The following IMMP2L variants were observed in gnomAD, a reference collection of about 807,000 sequenced individuals.
The protein encoded by IMMP2L is mitochondrial inner membrane protease subunit 2.
Under a neutral mutation model 19.3 loss-of-function variants are expected in IMMP2L, and 18 were observed. The ratio of observed to expected loss-of-function variants is 0.93; its 90% CI spans 0.64 to 1.38. The LOEUF (loss-of-function observed/expected upper bound fraction) is 1.38. Among genes scored for constraint, IMMP2L ranks in the 40% most tolerant of loss-of-function variants. IMMP2L has a pLI of 0.00. For synonymous variants in IMMP2L, 76 were observed against 73.0 expected (o/e 1.04, Z -0.21); for missense variants, 233 against 218.2 (o/e 1.07, Z -0.43).
At chr7:111,242,906 G>C (rs1815286573) in intron 3 of IMMP2L, among the ~76,000 whole-genome samples, 1 of 151,896 alleles carries the variant, frequency 6.6e-6, no homozygotes, top group Non-Finnish European at 1.5e-5. Context: ...AACAATTATT[G>C]TCCAATTGTT....
intron 3 of IMMP2L, among the ~76,000 whole-genome samples, chr7:111,407,192 T>TA (rs996401045): frequency 2.6e-5 from 4 of 152,030 alleles, no homozygotes; most frequent in African/African-American, 9.7e-5. Context: ...AGAACCCTCA[T>TA]ACACTGCTCA....
At chr7:111,328,601 G>T (rs558251389) in intron 3 of IMMP2L, among the ~76,000 whole-genome samples, 1 of 151,830 alleles carries the variant, frequency 6.6e-6, no homozygotes, top group Non-Finnish European at 1.5e-5. Context: ...AAAACTAGAG[G>T]TGTGTTACGT....
intron 3 of IMMP2L, among the ~76,000 whole-genome samples, chr7:111,310,434 T>C (rs569557670): frequency 3.3e-5 from 5 of 152,140 alleles, no homozygotes; most frequent in South Asian, 2.1e-4. Flanking sequence ...AAATTAACTT[T>C]TATGTTAAAG....
chr7:111,094,564 T>A (rs1354285791), intron 3 of IMMP2L, among the ~76,000 whole-genome samples: 1 of 152,134 alleles, frequency 6.6e-6, no homozygotes, highest in Non-Finnish European at 1.5e-5. Flanking sequence ...AGGTAAACTC[T>A]AGGCAAAACA....
intron 3 of IMMP2L, among the ~76,000 whole-genome samples, chr7:111,194,024 T>A (rs747676483): frequency 6.6e-6 from 1 of 152,170 alleles, no homozygotes; most frequent in African/African-American, 2.4e-5. Flanking sequence ...GCCAAACTAC[T>A]TATAAAGTCA....
chr7:111,162,105 G>T (rs924628777), intron 3 of IMMP2L, among the ~76,000 whole-genome samples: 8 of 151,958 alleles, frequency 5.3e-5, no homozygotes, highest in African/African-American at 1.7e-4. Context: ...GAAAATCAAT[G>T]ATTGCAAACC....
intron 4 of IMMP2L, among the ~76,000 whole-genome samples, chr7:110,935,116 T>C (rs1163383946): frequency 1.3e-5 from 2 of 152,164 alleles, no homozygotes; most frequent in Admixed American, 6.6e-5. Context: ...ATTTGTTATG[T>C]TTTTTCAGTG....
At chr7:110,992,040 T>C (rs1822527228) in intron 3 of IMMP2L, among the ~76,000 whole-genome samples, 1 of 152,164 alleles carries the variant, frequency 6.6e-6, no homozygotes, top group South Asian at 2.1e-4. Context: ...AGTTGTATTT[T>C]TATTTAAACC....
intron 3 of IMMP2L, among the ~76,000 whole-genome samples, chr7:111,030,910 ATATATATATATATAT>A (rs1563176399): frequency 2.8e-5 from 3 of 105,736 alleles, no homozygotes; most frequent in African/African-American, 1.1e-4. Flanking sequence ...ATATATATAT[ATATATATATATATAT>A]AAAATATATA....
At chr7:111,527,296 A>G (rs1846964131) in intron 1 of IMMP2L, among the ~76,000 whole-genome samples, 1 of 151,822 alleles carries the variant, frequency 6.6e-6, no homozygotes, top group Non-Finnish European at 1.5e-5. Context: ...ATACACCTGT[A>G]GTCCTATCTA....
chr7:110,827,706 GA>G (rs1281212331), intron 5 of IMMP2L, among the ~76,000 whole-genome samples: 1 of 152,134 alleles, frequency 6.6e-6, no homozygotes, highest in Non-Finnish European at 1.5e-5. Context: ...ATTTTAATTG[GA>G]CTTGAAGGAT....
intron 3 of IMMP2L, among the ~76,000 whole-genome samples, chr7:111,320,960 C>T (rs1020122102): frequency 6.6e-6 from 1 of 152,004 alleles, no homozygotes; most frequent in African/African-American, 2.4e-5. Context: ...GAGACACTCA[C>T]TAAATGTTTG....
intron 3 of IMMP2L, among the ~76,000 whole-genome samples, chr7:111,270,894 A>G (rs907747576): frequency 6.6e-6 from 1 of 152,050 alleles, no homozygotes; most frequent in African/African-American, 2.4e-5. Context: ...TACATGAACA[A>G]TTTTTCAAAA....
intron 5 of IMMP2L, among the ~76,000 whole-genome samples, chr7:110,695,402 G>C (rs572544542): frequency 6.6e-6 from 1 of 152,002 alleles, no homozygotes; most frequent in East Asian, 1.9e-4. Flanking sequence ...ATGTTTCCCA[G>C]GCTAGTCTCG....
chr7:111,051,120 A>G (rs947320981), intron 3 of IMMP2L, among the ~76,000 whole-genome samples: 7 of 152,228 alleles, frequency 4.6e-5, no homozygotes, highest in African/African-American at 1.7e-4. Context: ...CCTGGTCAAC[A>G]GAGTAAGACT....
chr7:111,101,544 T>C (rs1797977058), intron 3 of IMMP2L, among the ~76,000 whole-genome samples: 1 of 147,164 alleles, frequency 6.8e-6, no homozygotes, highest in Non-Finnish European at 1.5e-5. Flanking sequence ...GTAGATTTAG[T>C]AAAAAAAAAA....
chr7:111,201,205 A>G (rs1810065275), intron 3 of IMMP2L, among the ~76,000 whole-genome samples: 1 of 152,070 alleles, frequency 6.6e-6, no homozygotes, highest in Non-Finnish European at 1.5e-5. Flanking sequence ...GGAAATGCAA[A>G]GCATGCCTAC....
At chr7:111,160,462 G>T (rs1682047357) in intron 3 of IMMP2L, among the ~76,000 whole-genome samples, 1 of 151,896 alleles carries the variant, frequency 6.6e-6, no homozygotes, top group South Asian at 2.1e-4. Flanking sequence ...CATGTTTTAA[G>T]GCTGGTATGG....
intron 3 of IMMP2L, among the ~76,000 whole-genome samples, chr7:111,404,534 A>C (rs1833750827): frequency 6.6e-6 from 1 of 152,150 alleles, no homozygotes; most frequent in Non-Finnish European, 1.5e-5. Context: ...TTTAGAAATA[A>C]GTAACTACAT....
Sources: gnomAD v4.1 joint callset for allele counts (sites outside exome capture counted in the v4.1 genomes callset) on GRCh38, gnomAD v4.1.1 for gene constraint, MANE v1.5 for transcripts, NCBI Gene and HGNC (gene_info 2026-07-23, HGNC 2026-07-21) for gene names.